KDM4B: variants seen among roughly 807,000 people sequenced by gnomAD.
The protein encoded by KDM4B is lysine-specific demethylase 4B.
A neutral mutation model predicts 125.2 loss-of-function variants in KDM4B; 32 were observed. The observed-to-expected ratio is 0.26, with a 90% CI of 0.19 to 0.34. KDM4B has a LOEUF of 0.34. Ranked by LOEUF, KDM4B falls within the 10% of genes least tolerant of loss-of-function variation. The pLI, the probability that KDM4B is intolerant of heterozygous loss-of-function variation, is 1.00. For missense variants in KDM4B, 1,190 were observed against 1,577.7 expected (o/e 0.75, Z 4.16); for synonymous variants, 721 against 677.9 (o/e 1.06, Z -0.99).
In KDM4B at chr19:4,985,639, G is replaced by A. The variant is rs576145823; in HGVS notation, c.-109+16409G>A. On this transcript the variant is annotated intron_variant, in intron 1 of 22. Transcript: ENST00000159111. ...GGGATCTGGCCCCGCGTGCTGTGCCGGGTGAGAGGCGGGTGTGAGCATGGC... is the reference window on the plus strand; with the variant it reads ...GGGATCTGGCCCCGCGTGCTGTGCCAGGTGAGAGGCGGGTGTGAGCATGGC... 3.3e-5 allele frequency among the ~76,000 whole-genome samples: 5 copies of A among 152,362 alleles called. No homozygotes were observed. The South Asian group carries it at 1.0e-3, about 32-fold the overall frequency.
At chr19:5,086,051 G>C (rs2038483048) in intron 9 of KDM4B, among the ~76,000 whole-genome samples, 1 of 152,086 alleles carries the variant, frequency 6.6e-6, no homozygotes, top group South Asian at 2.1e-4. Context: ...CAGCTCCCCT[G>C]TCCCATTTGC....
chr19:5,092,829 C>T (rs11673176), intron 9 of KDM4B, among the ~76,000 whole-genome samples: 26,312 of 152,200 alleles, frequency 0.17, 2,798 homozygotes, highest in Admixed American at 0.31. Context: ...CAGGGCATCC[C>T]GGCTCATGGC....
At chr19:5,006,342 C>T (rs569663347) in intron 1 of KDM4B, among the ~76,000 whole-genome samples, 1 of 152,310 alleles carries the variant, frequency 6.6e-6, no homozygotes, top group Admixed American at 6.5e-5. Flanking sequence ...GGCCATTCTC[C>T]TGCTCCTCCC....
chr19:5,058,041 C>T (rs2037465372), intron 6 of KDM4B, among the ~76,000 whole-genome samples: 1 of 152,222 alleles, frequency 6.6e-6, no homozygotes, highest in East Asian at 1.9e-4. Flanking sequence ...CACTTCTGCC[C>T]ACACCTCATT....
At chr19:5,039,751 CTCTGGG>C in intron 3 of KDM4B, 79 bp from the exon 4 acceptor site, 1 of 1,457,072 alleles carries the variant, frequency 6.9e-7, no homozygotes, top group South Asian at 1.3e-5. Flanking sequence ...GGGTGCTGGT[CTCTGGG>C]GAGCCGGTGG....
intron 6 of KDM4B, among the ~76,000 whole-genome samples, chr19:5,056,094 G>C (rs572862582): frequency 5.5e-4 from 84 of 152,326 alleles, no homozygotes; most frequent in Non-Finnish European, 9.4e-4. Flanking sequence ...GTGTTGAGGA[G>C]GGCTGGCCAG....
intron 10 of KDM4B, among the ~76,000 whole-genome samples, chr19:5,118,437 T>TA (rs955503879): frequency 6.6e-6 from 1 of 152,018 alleles, no homozygotes; most frequent in Non-Finnish European, 1.5e-5. Flanking sequence ...GCTCATGGCC[T>TA]AGAGAGGCCC....
chr19:5,132,158 GAC>G, intron 13 of KDM4B, 151 bp downstream of exon 13: 1 of 1,028,852 alleles, frequency 9.7e-7, no homozygotes, highest in Non-Finnish European at 1.4e-6. Context: ...CTGCCGTAGC[GAC>G]AGGCTGTCAC....
chr19:5,012,069 G>A (rs139979317), intron 1 of KDM4B, among the ~76,000 whole-genome samples: 2 of 152,312 alleles, frequency 1.3e-5, no homozygotes, highest in South Asian at 2.1e-4. Flanking sequence ...GGCTGTCACT[G>A]CAGGCTTCTG....
rs968529384 is a variant in KDM4B, at chr19:5,131,167, G to C, written c.1407G>C (p.Pro469=). The change falls in exon 12 of 23, where the codon CCG becomes CCC. Residue 469 remains proline, a synonymous_variant. Transcript: ENST00000159111. Reference sequence around the variant, plus strand: ...TGCTGCCCCCACAGCTGCCGCCCCCGCCTGCTCACTTCCCCTCAGAGGAGG... The same window carrying C: ...TGCTGCCCCCACAGCTGCCGCCCCCCCCTGCTCACTTCCCCTCAGAGGAGG... ...FGLLPPQLPP[P]PAHFPSEEAL... is the part of the protein sequence containing the mutation. 1 of 1,587,512 alleles carries C rather than the reference G, an allele frequency of 6.3e-7. No individual in the cohort carries two copies. The highest frequency in any genetic ancestry group is 1.7e-5 in the Admixed American group (1 of 57,560).
At chr19:5,023,921 A>T (rs2036202092) in intron 2 of KDM4B, among the ~76,000 whole-genome samples, 1 of 151,746 alleles carries the variant, frequency 6.6e-6, no homozygotes, top group Non-Finnish European at 1.5e-5. Flanking sequence ...CGCCTGGCTG[A>T]TTTTTAAATT....
chr19:4,986,980 G>A (rs369564427), intron 1 of KDM4B, among the ~76,000 whole-genome samples: 17 of 151,186 alleles, frequency 1.1e-4, no homozygotes, highest in African/African-American at 2.2e-4. Context: ...TTTGTGAGAC[G>A]GAGTCTTGCT....
At chr19:5,076,186 C>T (rs1285898554) in intron 7 of KDM4B, 1 of 64,632 alleles carries the variant, frequency 1.5e-5, no homozygotes, top group Non-Finnish European at 2.9e-5. Context: ...CGTGCTCTCT[C>T]GTTGACCGAG....
rs2037355271 is a variant in KDM4B, at chr19:5,055,124, G to GCAATTGCGGCC, written c.626+7457_626+7467dup. 2.0e-5 allele frequency among the ~76,000 whole-genome samples: 3 copies of GCAATTGCGGCC among 152,378 alleles called. No homozygotes were observed. In the East Asian group the frequency reaches 5.8e-4, roughly 29 times the overall value. ...CTCCTGCCAACCTCACTCACGTTAA[G>GCAATTGCGGCC]CAATTGCGGCCCGATTGTGCCCCCA... On this transcript the variant is annotated intron_variant, in intron 6 of 22. Coordinates refer to ENST00000159111, the MANE Select transcript of KDM4B (RefSeq NM_015015.3).
intron 5 of KDM4B, among the ~76,000 whole-genome samples, chr19:5,041,955 C>T (rs1453453485): frequency 6.6e-6 from 1 of 152,162 alleles, no homozygotes; most frequent in African/African-American, 2.4e-5. Context: ...CTCTCTGAGC[C>T]GAGGGCGCCG....
chr19:5,006,534 A>G (rs939832597), intron 1 of KDM4B, among the ~76,000 whole-genome samples: 8 of 152,176 alleles, frequency 5.3e-5, no homozygotes, highest in African/African-American at 1.9e-4. Context: ...GCACTCTGGG[A>G]GGCCGAGGCA....
intron 11 of KDM4B, 58 bp downstream of exon 11, chr19:5,119,910 C>G: frequency 1.3e-6 from 2 of 1,524,532 alleles, no homozygotes; most frequent in Non-Finnish European, 1.8e-6. Context: ...GTGGGCATCT[C>G]CTAGAAGGAA....
At chr19:5,143,601 T>A (rs2039783922) in intron 18 of KDM4B, among the ~76,000 whole-genome samples, 1 of 152,082 alleles carries the variant, frequency 6.6e-6, no homozygotes, top group Non-Finnish European at 1.5e-5. Context: ...TGTCGCCACG[T>A]GGTTCCTCTG....
chr19:5,033,169 G>A (rs1040595971), intron 3 of KDM4B, 138 bp downstream of exon 3: 16 of 986,998 alleles, frequency 1.6e-5, no homozygotes, highest in East Asian at 4.9e-5. Context: ...CTCCCAGCTC[G>A]TTTACCAGCG....
Sources: gnomAD v4.1 joint callset for allele counts (sites outside exome capture counted in the v4.1 genomes callset) on GRCh38, gnomAD v4.1.1 for gene constraint, MANE v1.5 for transcripts, NCBI Gene and HGNC (gene_info 2026-07-23, HGNC 2026-07-21) for gene names.